The following HYCC1 variants were observed in gnomAD, a reference collection of about 807,000 sequenced individuals.
HYCC1 encodes the protein hyccin PI4KA lipid kinase complex subunit 1.
At chr7:22,974,472 C>T in the HYCC1 span, among the ~76,000 whole-genome samples, 3 of 152,058 alleles carry the variant, frequency 2.0e-5, no homozygotes, top group African/African-American at 4.8e-5. Flanking sequence ...CATCTTAGAA[C>T]GACTTGGTGA....
the HYCC1 span, among the ~76,000 whole-genome samples, chr7:22,898,560 C>A: frequency 6.7e-6 from 1 of 149,320 alleles, no homozygotes. Context: ...CCATGTTACC[C>A]AGGCTGGTCC....
the HYCC1 span, among the ~76,000 whole-genome samples, chr7:22,997,620 A>G: frequency 7.2e-5 from 11 of 152,284 alleles, no homozygotes; most frequent in African/African-American, 2.4e-4. Context: ...CTGCTTAGAA[A>G]CTGACCAATC....
the HYCC1 span, among the ~76,000 whole-genome samples, chr7:22,963,554 C>T: frequency 6.6e-6 from 1 of 152,064 alleles, no homozygotes. Context: ...TCAGAGCATC[C>T]AAGAACTGTG....
chr7:22,925,068 A>G, the HYCC1 span, among the ~76,000 whole-genome samples: 1 of 152,206 alleles, frequency 6.6e-6, no homozygotes, highest in African/African-American at 2.4e-5. Context: ...ACCCAGGCAA[A>G]CAGAGTCTGA....
At chr7:22,919,842 G>C in the HYCC1 span, among the ~76,000 whole-genome samples, 1 of 151,826 alleles carries the variant, frequency 6.6e-6, no homozygotes, top group South Asian at 2.1e-4. Context: ...ATTCACATAA[G>C]GAGAATATCA....
At chr7:22,958,890 T>C in the HYCC1 span, among the ~76,000 whole-genome samples, 16 of 152,304 alleles carry the variant, frequency 1.1e-4, no homozygotes, top group Non-Finnish European at 2.1e-4. Flanking sequence ...ATTCTTGTGC[T>C]TCCTGTAGCA....
the HYCC1 span, among the ~76,000 whole-genome samples, chr7:22,909,494 C>T: frequency 6.6e-6 from 1 of 152,166 alleles, no homozygotes; most frequent in Non-Finnish European, 1.5e-5. Context: ...CCTAACACAC[C>T]ACTCCACGCA....
the HYCC1 span, among the ~76,000 whole-genome samples, chr7:22,966,908 GT>G: frequency 3.9e-5 from 6 of 152,110 alleles, no homozygotes; most frequent in Non-Finnish European, 8.8e-5. Flanking sequence ...ACAAACTCAA[GT>G]TTTGTTTGAA....
the HYCC1 span, among the ~76,000 whole-genome samples, chr7:23,000,156 T>TA: frequency 3.9e-5 from 6 of 152,122 alleles, no homozygotes; most frequent in African/African-American, 1.4e-4. Context: ...TTAAAATAAA[T>TA]AATCATCCTT....
the HYCC1 span, among the ~76,000 whole-genome samples, chr7:22,955,913 T>C: frequency 6.6e-6 from 1 of 151,738 alleles, no homozygotes; most frequent in Non-Finnish European, 1.5e-5. Context: ...AATAACTTTC[T>C]ATTTTCCTTT....
the HYCC1 span, among the ~76,000 whole-genome samples, chr7:22,966,521 T>C: frequency 2.0e-5 from 3 of 152,184 alleles, no homozygotes; most frequent in African/African-American, 7.2e-5. Flanking sequence ...GTTTTTAAAA[T>C]AAACAGTAAG....
At chr7:22,978,063 C>T in the HYCC1 span, 1 of 603,394 alleles carries the variant, frequency 1.7e-6, no homozygotes, top group Non-Finnish European at 2.9e-6. Context: ...TTTCAACCTT[C>T]AATCAATCCA....
the HYCC1 span, among the ~76,000 whole-genome samples, chr7:22,986,583 C>T: frequency 1.3e-5 from 2 of 152,196 alleles, no homozygotes; most frequent in Non-Finnish European, 2.9e-5. Context: ...CGCGATGGCT[C>T]ACGCCTGTAA....
At chr7:22,924,195 A>ACAG in the HYCC1 span, among the ~76,000 whole-genome samples, 1 of 136,610 alleles carries the variant, frequency 7.3e-6, no homozygotes, top group Non-Finnish European at 1.6e-5. Flanking sequence ...AAAAAAAAAA[A>ACAG]GGGGGGTGGA....
chr7:22,923,208 T>G, the HYCC1 span, among the ~76,000 whole-genome samples: 1 of 152,114 alleles, frequency 6.6e-6, no homozygotes, highest in Non-Finnish European at 1.5e-5. Context: ...TAATACAAAG[T>G]ATGCTCTCCA....
chr7:22,972,006 G>C, the HYCC1 span, among the ~76,000 whole-genome samples: 10 of 152,222 alleles, frequency 6.6e-5, no homozygotes, highest in East Asian at 1.9e-3. Context: ...ATTTGCCATA[G>C]GTTCTTTCAA....
At chr7:22,978,247 G>T in the HYCC1 span, 1 of 1,609,288 alleles carries the variant, frequency 6.2e-7, no homozygotes, top group African/African-American at 1.3e-5. Flanking sequence ...AAAAGATTTT[G>T]TTAACTCCAT....
chr7:22,976,174 T>C, the HYCC1 span: 1 of 1,231,554 alleles, frequency 8.1e-7, no homozygotes, highest in African/African-American at 1.5e-5. Context: ...TAGATTCATA[T>C]ATTTCAATAT....
chr7:22,971,275 A>C, the HYCC1 span, among the ~76,000 whole-genome samples: 1 of 148,566 alleles, frequency 6.7e-6, no homozygotes. Flanking sequence ...ATGTATTCAG[A>C]TAATATATTT....
Sources: gnomAD v4.1 joint callset for allele counts (sites outside exome capture counted in the v4.1 genomes callset) on GRCh38, gnomAD v4.1.1 for gene constraint, MANE v1.5 for transcripts, NCBI Gene and HGNC (gene_info 2026-07-23, HGNC 2026-07-21) for gene names.